The following FGGY variants were observed in gnomAD, a reference collection of about 807,000 sequenced individuals.
The protein encoded by FGGY is FGGY carbohydrate kinase domain-containing protein.
A neutral mutation model predicts 71.3 loss-of-function variants in FGGY; 72 were observed. The ratio of observed to expected loss-of-function variants is 1.01; its 90% CI spans 0.84 to 1.23. The LOEUF (loss-of-function observed/expected upper bound fraction) is 1.23. Among genes scored for constraint, FGGY ranks in the 50% most tolerant of loss-of-function variants. The pLI is 0.00. For missense variants in FGGY, 668 were observed against 682.3 expected, an observed-to-expected ratio of 0.98 and a Z score of 0.23; for synonymous variants, 251 against 250.3, an observed-to-expected ratio of 1.00 and a Z score of -0.02.
chr1:59,417,987 G>A (rs904759309), intron 5 of FGGY, among the ~76,000 whole-genome samples: 3 of 152,190 alleles, frequency 2.0e-5, no homozygotes, highest in Admixed American at 1.3e-4. Context: ...CTGTTGGACA[G>A]CACTGGCTTA....
intron 6 of FGGY, among the ~76,000 whole-genome samples, chr1:59,488,835 A>C (rs1240774679): frequency 6.6e-6 from 1 of 151,968 alleles, no homozygotes; most frequent in Non-Finnish European, 1.5e-5. Context: ...ACCAAGTCAA[A>C]AGGTATAAAT....
intron 6 of FGGY, among the ~76,000 whole-genome samples, chr1:59,473,521 C>T (rs547537305): frequency 6.6e-6 from 1 of 152,292 alleles, no homozygotes; most frequent in Admixed American, 6.5e-5. Flanking sequence ...GGGGAAATGG[C>T]TTCCAAGGCA....
At chr1:59,467,352 G>C (rs537243553) in intron 6 of FGGY, among the ~76,000 whole-genome samples, 15 of 152,078 alleles carry the variant, frequency 9.9e-5, no homozygotes, top group African/African-American at 3.6e-4. Flanking sequence ...CTGTCGTGGG[G>C]TGGGGGAATG....
At chr1:59,328,233 T>C (rs1349733130) in intron 2 of FGGY, among the ~76,000 whole-genome samples, 1 of 152,252 alleles carries the variant, frequency 6.6e-6, no homozygotes, top group Non-Finnish European at 1.5e-5. Context: ...TGTTGTTTAG[T>C]GTAGACACCT....
intron 14 of FGGY, among the ~76,000 whole-genome samples, chr1:59,721,349 T>TTC (rs2097893511): frequency 7.0e-6 from 1 of 142,806 alleles, no homozygotes; most frequent in South Asian, 2.2e-4. Context: ...TTTTTTTTTT[T>TTC]TTTTTTTGAG....
At chr1:59,662,303 G>C (rs1051207408) in intron 12 of FGGY, among the ~76,000 whole-genome samples, 3 of 144,422 alleles carry the variant, frequency 2.1e-5, no homozygotes, top group African/African-American at 7.8e-5. Context: ...CTGGGTCACA[G>C]AGCGAGACTC....
chr1:59,572,897 C>T (rs1408991950), intron 8 of FGGY, among the ~76,000 whole-genome samples: 2 of 152,132 alleles, frequency 1.3e-5, no homozygotes, highest in Non-Finnish European at 2.9e-5. Flanking sequence ...TTTTGGTTTG[C>T]ACTGTCAGCT....
At chr1:59,562,097 CAAAG>C (rs1480100649) in intron 8 of FGGY, among the ~76,000 whole-genome samples, 1 of 152,146 alleles carries the variant, frequency 6.6e-6, no homozygotes, top group Middle Eastern at 3.2e-3. Context: ...TTAGCAGTTA[CAAAG>C]TTAACATATT....
chr1:59,467,650 A>G (rs1040717543), intron 6 of FGGY, among the ~76,000 whole-genome samples: 6 of 152,034 alleles, frequency 3.9e-5, no homozygotes. Context: ...TCTACTTCCT[A>G]TGATGACATT....
chr1:59,504,389 C>T (rs1248095601), intron 6 of FGGY, among the ~76,000 whole-genome samples: 3 of 152,212 alleles, frequency 2.0e-5, no homozygotes, highest in East Asian at 3.9e-4. Context: ...GGAAGTTGGA[C>T]TTGCCACTGG....
chr1:59,494,890 G>A (rs1442906612), intron 6 of FGGY, among the ~76,000 whole-genome samples: 2 of 152,122 alleles, frequency 1.3e-5, no homozygotes, highest in East Asian at 3.9e-4. Context: ...ATGGTTCTTT[G>A]AGAAAGAAGT....
At chr1:59,338,050 A>T (rs2049953751) in intron 2 of FGGY, among the ~76,000 whole-genome samples, 1 of 152,012 alleles carries the variant, frequency 6.6e-6, no homozygotes, top group South Asian at 2.1e-4. Context: ...ATTGAATGTT[A>T]TATTTGGAGG....
chr1:59,715,442 G>A (rs959842939), intron 14 of FGGY, among the ~76,000 whole-genome samples: 1 of 152,202 alleles, frequency 6.6e-6, no homozygotes, highest in East Asian at 1.9e-4. Context: ...TCAATTGATA[G>A]GTTGCCAGTG....
At chr1:59,388,871 A>C (rs1012621812) in intron 5 of FGGY, among the ~76,000 whole-genome samples, 1 of 152,070 alleles carries the variant, frequency 6.6e-6, no homozygotes, top group Admixed American at 6.6e-5. Flanking sequence ...CATTACCACT[A>C]TCTATTTCTA....
chr1:59,476,024 C>A (rs1052002394), intron 6 of FGGY, among the ~76,000 whole-genome samples: 1 of 152,214 alleles, frequency 6.6e-6, no homozygotes, highest in African/African-American at 2.4e-5. Flanking sequence ...TAGTCACCAT[C>A]CAACCACAAT....
chr1:59,393,582 C>A (rs1349588680), intron 5 of FGGY, among the ~76,000 whole-genome samples: 1 of 151,960 alleles, frequency 6.6e-6, no homozygotes, highest in Admixed American at 6.6e-5. Flanking sequence ...CCCACCCCAT[C>A]CCCCTCCTCT....
Position 59,307,080 on chromosome 1 carries a change from C to T in FGGY, c.-15+9930C>T, listed in dbSNP as rs531629563. Among the ~76,000 whole-genome samples, 3 of 151,994 alleles carry T rather than the reference C, an allele frequency of 2.0e-5. No individual in the cohort carries two copies. The East Asian group carries it at 5.8e-4, about 29-fold the overall frequency. On this transcript the variant is annotated intron_variant, in intron 1 of 15. Coordinates refer to ENST00000303721, the MANE Select transcript of FGGY (RefSeq NM_018291.5). ...CTGTAATCTCAGAACTTTGGGAGGC[C>T]GAGGTGGGAGGATAGCTTGAGCCCA...
At chr1:59,561,085 G>T (rs1052891593) in intron 8 of FGGY, among the ~76,000 whole-genome samples, 4 of 152,182 alleles carry the variant, frequency 2.6e-5, no homozygotes, top group African/African-American at 9.7e-5. Context: ...ATGAACTGAT[G>T]GTCTTCTGTT....
intron 8 of FGGY, among the ~76,000 whole-genome samples, chr1:59,567,540 T>A (rs1558378700): frequency 6.6e-6 from 1 of 152,032 alleles, no homozygotes; most frequent in Admixed American, 6.6e-5. Flanking sequence ...GGGGCTTCCA[T>A]GACTTATTCT....
Sources: gnomAD v4.1 joint callset for allele counts (sites outside exome capture counted in the v4.1 genomes callset) on GRCh38, gnomAD v4.1.1 for gene constraint, MANE v1.5 for transcripts, NCBI Gene and HGNC (gene_info 2026-07-23, HGNC 2026-07-21) for gene names.